The following CDH6 variants were observed in gnomAD, a reference collection of about 807,000 sequenced individuals.
The protein encoded by CDH6 is cadherin-6.
CDH6 carries 31 observed loss-of-function variants against 78.0 expected under a neutral mutation model. The observed-to-expected ratio is 0.40, with a 90% CI of 0.30 to 0.54. CDH6 has a LOEUF of 0.54. Ranked by LOEUF, CDH6 falls within the 20% of genes least tolerant of loss-of-function variation. The probability of loss-of-function intolerance (pLI) is 0.56; values close to 1 mark genes in which losing one functional copy is unlikely to be tolerated. For synonymous variants in CDH6, 376 were observed against 368.8 expected, an observed-to-expected ratio of 1.02 and a Z score of -0.23; for missense variants, 724 against 975.9, an observed-to-expected ratio of 0.74 and a Z score of 3.44.
chr5:31,275,579 C>A (rs981246191), intron 2 of CDH6, among the ~76,000 whole-genome samples: 2 of 152,062 alleles, frequency 1.3e-5, no homozygotes, highest in African/African-American at 2.4e-5. Context: ...GTATACAGAC[C>A]ACATTTTCTT....
chr5:31,228,781 A>G (rs974013569), intron 1 of CDH6, among the ~76,000 whole-genome samples: 1 of 152,204 alleles, frequency 6.6e-6, no homozygotes. Context: ...TCAGGCTACA[A>G]TGCTGGTTCA....
intron 1 of CDH6, among the ~76,000 whole-genome samples, chr5:31,202,048 C>T (rs1320460274): frequency 6.6e-6 from 1 of 152,162 alleles, no homozygotes; most frequent in African/African-American, 2.4e-5. Flanking sequence ...AAATTTATAT[C>T]TAACTCTATA....
intron 1 of CDH6, among the ~76,000 whole-genome samples, chr5:31,241,873 A>G (rs188694802): frequency 1.3e-5 from 2 of 152,326 alleles, no homozygotes; most frequent in East Asian, 3.9e-4. Context: ...TTTCGTGCCT[A>G]TATTGCAGTC....
intron 1 of CDH6, among the ~76,000 whole-genome samples, chr5:31,248,266 T>C (rs1741814856): frequency 6.6e-6 from 1 of 152,202 alleles, no homozygotes; most frequent in Admixed American, 6.5e-5. Context: ...AAATAACTTT[T>C]CTGTGAACTA....
intron 6 of CDH6, 140 bp from the exon 7 acceptor site, chr5:31,305,034 A>C (rs1256939677): frequency 2.4e-6 from 2 of 846,070 alleles, no homozygotes; most frequent in African/African-American, 1.7e-5. Context: ...CCTTTGCCCA[A>C]TATCACACAA....
chr5:31,313,302 C>A lies in CDH6; in HGVS notation c.1254-16C>A. Reference sequence around the variant, plus strand: ...TAGAAAGAAAAGCCTTTCTTAATTCCACTCTGCATTTTCAGGTACTCTGTA... The same window carrying A: ...TAGAAAGAAAAGCCTTTCTTAATTCAACTCTGCATTTTCAGGTACTCTGTA... On this transcript the variant is annotated splice_polypyrimidine_tract_variant and intron_variant, in intron 7 of 11. Transcript: ENST00000265071. 1 of 1,601,428 alleles carries A rather than the reference C, an allele frequency of 6.2e-7. No homozygotes were observed. The highest frequency in any genetic ancestry group is 8.5e-7 in the Non-Finnish European group (1 of 1,170,356).
chr5:31,312,420 C>T lies in CDH6; in HGVS notation c.1254-898C>T, dbSNP rs1738183873. Among the ~76,000 whole-genome samples the T allele has an allele frequency of 1.3e-5, 2 of 152,158 alleles. 1 individual carries two copies. The highest frequency in any genetic ancestry group is 4.1e-4 in the South Asian group (2 of 4,822). ...TCCCCTGCTTAAAACCTTTTGTAGC[C>T]AGTCGTGGTGGTTCATGACTGTTAT... On this transcript the variant is annotated intron_variant, in intron 7 of 11. Transcript: ENST00000265071.
chr5:31,251,788 G>A (rs1211930139), intron 1 of CDH6: 1 of 152,118 alleles, frequency 6.6e-6, no homozygotes, highest in Non-Finnish European at 1.5e-5. Context: ...TAGCATTTCT[G>A]TATGTTAACC....
intron 3 of CDH6, 43 bp from the exon 4 acceptor site, chr5:31,297,246 T>G (rs1737635224): frequency 1.9e-6 from 3 of 1,572,542 alleles, no homozygotes; most frequent in Non-Finnish European, 2.6e-6. Context: ...AAGATTGATA[T>G]GAACTCTTGA....
chr5:31,256,008 G>A (rs1481221624), intron 1 of CDH6, among the ~76,000 whole-genome samples: 1 of 152,196 alleles, frequency 6.6e-6, no homozygotes, highest in Admixed American at 6.5e-5. Context: ...GCAAGTATCT[G>A]AAGAATCACT....
At chr5:31,312,680 G>A (rs1325946112) in intron 7 of CDH6, among the ~76,000 whole-genome samples, 2 of 151,480 alleles carry the variant, frequency 1.3e-5, no homozygotes, top group Non-Finnish European at 2.9e-5. Context: ...GACAGAGTGA[G>A]AGAGTGAGAC....
chr5:31,229,318 A>AT (rs1251800243), intron 1 of CDH6, among the ~76,000 whole-genome samples: 26 of 152,244 alleles, frequency 1.7e-4, no homozygotes, highest in Admixed American at 9.8e-4. Context: ...TCTGGTCACC[A>AT]TACTGGTTAG....
rs112372791 is a variant in CDH6, at chr5:31,327,217, G to C, written c.*3909G>C. 1.1e-5 allele frequency: 2 copies of C among 187,086 alleles called. No individual in the cohort carries two copies. The highest frequency in any genetic ancestry group is 2.3e-5 in the Non-Finnish European group (2 of 88,664). 11.6% of individuals were successfully genotyped at this position (187,086 alleles called of 1,614,324 possible). On this transcript the variant is annotated 3_prime_UTR_variant, in exon 12 of 12. Transcript: ENST00000265071. The stretch of plus-strand genomic sequence containing the variant: ...TCTATATACTCAAGCACCATAAAAA[G>C]TATGCAGTTGAAAAGAAAATCAAAG...
At chr5:31,227,049 A>G (rs546332545) in intron 1 of CDH6, among the ~76,000 whole-genome samples, 2 of 152,132 alleles carry the variant, frequency 1.3e-5, no homozygotes, top group African/African-American at 4.8e-5. Flanking sequence ...AGCACCACAC[A>G]TCGGGTTACA....
intron 2 of CDH6, among the ~76,000 whole-genome samples, chr5:31,273,389 T>A (rs1742587790): frequency 6.6e-6 from 1 of 152,202 alleles, no homozygotes; most frequent in Non-Finnish European, 1.5e-5. Flanking sequence ...TTCCGAGCAT[T>A]ACTTTGTTCT....
At chr5:31,216,107 A>G (rs190284931) in intron 1 of CDH6, among the ~76,000 whole-genome samples, 20 of 152,148 alleles carry the variant, frequency 1.3e-4, no homozygotes, top group African/African-American at 4.6e-4. Flanking sequence ...TACACATTCA[A>G]TGAAGTTTTG....
chr5:31,315,474 T>C (rs981411420), intron 8 of CDH6, among the ~76,000 whole-genome samples: 2 of 152,258 alleles, frequency 1.3e-5, no homozygotes, highest in Non-Finnish European at 2.9e-5. Context: ...CTGTCTTCCA[T>C]ACTGTGCTAG....
intron 1 of CDH6, among the ~76,000 whole-genome samples, chr5:31,257,278 T>A (rs944971841): frequency 6.6e-6 from 1 of 152,178 alleles, no homozygotes; most frequent in Non-Finnish European, 1.5e-5. Context: ...TTCTCCTGCC[T>A]CAGCCTCCAG....
chr5:31,267,597 G>A lies in CDH6; in HGVS notation c.124G>A (p.Gly42Arg). 6.2e-7 allele frequency: 1 copy of A among 1,614,106 alleles called. No homozygotes were observed. The highest frequency in any genetic ancestry group is 8.5e-7 in the Non-Finnish European group (1 of 1,180,022). ...PAKKRALELS[G>R]NSKNELNRSK... ...AAAGAAAAGGGCCCTGGAGCTCTCT[G>A]GAAACAGCAAAAATGAGCTGAACCG... is the stretch of plus-strand genomic sequence containing the variant. Residue 42 changes from glycine (G) to arginine (R), a missense_variant, in exon 2 of 12, where the codon GGA (glycine) becomes AGA (arginine). By Grantham distance (125) the Gly-to-Arg change is moderately radical (BLOSUM62 -2). This residue lies in a region of CDH6 where 58 missense variants were observed against 50.8 expected (regional missense o/e 1.14). Transcript: ENST00000265071.
Sources: gnomAD v4.1 joint callset for allele counts (sites outside exome capture counted in the v4.1 genomes callset) on GRCh38, gnomAD v4.1.1 for gene constraint, gnomAD v4.1.1 regional missense constraint, MANE v1.5 for transcripts, NCBI Gene and HGNC (gene_info 2026-07-23, HGNC 2026-07-21) for gene names.